MEI4: variants seen among roughly 807,000 people sequenced by gnomAD.
MEI4 encodes meiosis-specific protein MEI4.
In MEI4, 27 loss-of-function variants were observed where a neutral mutation model predicts 31.4. That is an observed-to-expected ratio of 0.86 (90% confidence interval 0.63 to 1.19). The LOEUF (loss-of-function observed/expected upper bound fraction) is 1.19, where lower values mean the gene tolerates loss of function less well. Among genes scored for constraint, MEI4 ranks in the 50% most tolerant of loss-of-function variants. The pLI, the probability that MEI4 is intolerant of heterozygous loss-of-function variation, is 0.00. For missense variants in MEI4, 329 were observed against 398.9 expected (o/e 0.82, Z 1.49); for synonymous variants, 122 against 145.4 (o/e 0.84, Z 1.16).
At position 77,924,111 on chromosome 6, in the gene MEI4, G is replaced by C. The variant is rs552760065; in HGVS notation, c.*765G>C. On this transcript the variant is annotated 3_prime_UTR_variant, in exon 5 of 5. Transcript: ENST00000684080. The stretch of plus-strand genomic sequence containing the variant: ...TATCCATCTAAAAGTGAAATTTATA[G>C]TTATTTGGTGGAATTTTTCAGTTAT... The C allele has an allele frequency of 2.0e-5, 3 of 151,668 alleles. No homozygotes were observed. Among genetic ancestry groups the C allele is most frequent in the Non-Finnish European group, 4.4e-5 (3 of 67,810 alleles). The allele number at this position is 151,668 out of a possible 1,614,324, so 9.4% of individuals were successfully genotyped here. A position where few individuals can be genotyped will look rare whatever the true frequency, so the allele number is the denominator to read the frequency against.
At chr6:77,794,557 G>T (rs568148978) in intron 3 of MEI4, among the ~76,000 whole-genome samples, 1 of 152,038 alleles carries the variant, frequency 6.6e-6, no homozygotes, top group African/African-American at 2.4e-5. Flanking sequence ...GTGAGACTCT[G>T]TCTCAAAACA....
chr6:77,737,551 A>T (rs1156544132), intron 2 of MEI4, among the ~76,000 whole-genome samples: 1 of 152,188 alleles, frequency 6.6e-6, no homozygotes, highest in Non-Finnish European at 1.5e-5. Flanking sequence ...ATATTTAGAG[A>T]ATTACGACTG....
At chr6:77,691,716 T>G (rs1409417519) in intron 2 of MEI4, among the ~76,000 whole-genome samples, 1 of 152,038 alleles carries the variant, frequency 6.6e-6, no homozygotes, top group Non-Finnish European at 1.5e-5. Flanking sequence ...AAGTTAGCCA[T>G]GTAATTTATG....
chr6:77,854,909 C>T (rs1433609094), intron 4 of MEI4, among the ~76,000 whole-genome samples: 2 of 139,842 alleles, frequency 1.4e-5, no homozygotes, highest in Non-Finnish European at 1.5e-5. Context: ...ATGAAAACCT[C>T]ACTGGTTTCA....
At chr6:77,868,794 T>G (rs1771126403) in intron 4 of MEI4, among the ~76,000 whole-genome samples, 1 of 151,956 alleles carries the variant, frequency 6.6e-6, no homozygotes, top group Non-Finnish European at 1.5e-5. Flanking sequence ...AATCTACCTA[T>G]AGAGTAGGTA....
intron 3 of MEI4, among the ~76,000 whole-genome samples, chr6:77,814,813 T>G (rs2127706061): frequency 6.6e-6 from 1 of 152,250 alleles, no homozygotes; most frequent in East Asian, 1.9e-4. Flanking sequence ...ATTTAAACTC[T>G]TAAAGTCATC....
Position 77,824,020 on chromosome 6 carries a change from C to G in MEI4, c.769-4911C>G, listed in dbSNP as rs148248989. 5.4e-4 allele frequency among the ~76,000 whole-genome samples: 82 copies of G among 152,296 alleles called. No homozygotes were observed. The East Asian group carries it at 7.7e-3, about 14-fold the overall frequency. ...TTTTTATGGATCCCCTATGGACTAT[C>G]AAAATTTCTATGCCTTAAGAGAAAT... is the stretch of plus-strand genomic sequence containing the variant. On this transcript the variant is annotated intron_variant, in intron 3 of 4. Transcript: ENST00000684080.
chr6:77,883,088 C>T (rs1386633267), intron 4 of MEI4, among the ~76,000 whole-genome samples: 3 of 151,980 alleles, frequency 2.0e-5, no homozygotes, highest in Non-Finnish European at 4.4e-5. Flanking sequence ...ATCCATCTCA[C>T]AAATGTAGGC....
At position 77,792,280 on chromosome 6, in the gene MEI4, A is replaced by G. The variant is rs185442050; in HGVS notation, c.768+30615A>G. On this transcript the variant is annotated intron_variant, in intron 3 of 4. Coordinates refer to ENST00000684080, the MANE Select transcript of MEI4 (RefSeq NM_001322247.2). ...AACATGGGAGAATATATGTTTTTTC[A>G]AAATACTCATTTATTTATTTGGGAT... 3.5e-4 allele frequency among the ~76,000 whole-genome samples: 54 copies of G among 152,274 alleles called. No homozygotes were observed. In the East Asian group the frequency reaches 8.9e-3, roughly 25 times the overall value.
In MEI4 at chr6:77,917,773, G is replaced by T. The variant is rs1334579751; in HGVS notation, c.901-5316G>T. 7.9e-5 allele frequency among the ~76,000 whole-genome samples: 12 copies of T among 151,166 alleles called. No individual in the cohort carries two copies. In the East Asian group the frequency reaches 9.8e-4, roughly 12 times the overall value. ...CTGTGCAGAAGCTCTTTAGTTTAAT[G>T]AGATACCATTTGTCAATTTTGTCTT... is the stretch of plus-strand genomic sequence containing the variant. On this transcript the variant is annotated intron_variant, in intron 4 of 4. Coordinates refer to ENST00000684080, the MANE Select transcript of MEI4 (RefSeq NM_001322247.2).
intron 2 of MEI4, among the ~76,000 whole-genome samples, chr6:77,712,388 T>C (rs1766485250): frequency 1.3e-5 from 2 of 152,124 alleles, no homozygotes; most frequent in South Asian, 2.1e-4. Context: ...TTTCCCCAAC[T>C]AATGAGGATT....
chr6:77,736,640 C>T (rs1370488596), intron 2 of MEI4, among the ~76,000 whole-genome samples: 11 of 152,068 alleles, frequency 7.2e-5, no homozygotes, highest in East Asian at 5.8e-4. Context: ...TGTTCCTATT[C>T]GGCCATTTTG....
intron 3 of MEI4, among the ~76,000 whole-genome samples, chr6:77,782,191 TGTTA>T (rs1252623708): frequency 1.3e-5 from 2 of 152,036 alleles, no homozygotes; most frequent in Non-Finnish European, 2.9e-5. Context: ...AAAGTTAAAC[TGTTA>T]GTTAGGATTA....
chr6:77,838,884 C>G (rs1468159304), intron 4 of MEI4, among the ~76,000 whole-genome samples: 2 of 148,480 alleles, frequency 1.3e-5, no homozygotes, highest in Non-Finnish European at 3.0e-5. Flanking sequence ...ACCTGGGCGA[C>G]AAGAGCGAAA....
At chr6:77,917,321 T>C (rs943756617) in intron 4 of MEI4, among the ~76,000 whole-genome samples, 1 of 149,888 alleles carries the variant, frequency 6.7e-6, no homozygotes, top group African/African-American at 2.4e-5. Context: ...GTATTTCTAG[T>C]TCTAGATCCC....
chr6:77,862,437 T>A (rs1351567523), intron 4 of MEI4, among the ~76,000 whole-genome samples: 1 of 152,228 alleles, frequency 6.6e-6, no homozygotes, highest in African/African-American at 2.4e-5. Flanking sequence ...ATCCCACGCA[T>A]GGCTCAGAGG....
At chr6:77,683,453 G>C (rs9448139) in intron 1 of MEI4, among the ~76,000 whole-genome samples, 1 of 152,064 alleles carries the variant, frequency 6.6e-6, no homozygotes, top group African/African-American at 2.4e-5. Context: ...TTTCAAGTGT[G>C]CAAAACATTA....
intron 2 of MEI4, among the ~76,000 whole-genome samples, chr6:77,760,356 T>C (rs1232539813): frequency 1.3e-5 from 2 of 152,114 alleles, no homozygotes; most frequent in Non-Finnish European, 2.9e-5. Flanking sequence ...AGGGGTCTTA[T>C]ATTATTCAAG....
At chr6:77,742,038 G>A (rs1272715381) in intron 2 of MEI4, among the ~76,000 whole-genome samples, 1 of 151,976 alleles carries the variant, frequency 6.6e-6, no homozygotes, top group African/African-American at 2.4e-5. Context: ...ATTTGGCTTG[G>A]TTCCAAGTCT....
Sources: allele counts gnomAD v4.1 joint callset (sites outside exome capture counted in the v4.1 genomes callset), GRCh38; gene constraint gnomAD v4.1.1; transcripts MANE v1.5; gene names NCBI Gene and HGNC (gene_info 2026-07-23, HGNC 2026-07-21).